The following PHGDH variants were observed in gnomAD, a reference collection of about 807,000 sequenced individuals.
The protein encoded by PHGDH is phosphoglycerate dehydrogenase, also known as D-3-phosphoglycerate dehydrogenase.
In PHGDH, 50 loss-of-function variants were observed where a neutral mutation model predicts 52.6. The ratio of observed to expected loss-of-function variants is 0.95; its 90% CI spans 0.76 to 1.20. The LOEUF is 1.20. Ranked by LOEUF, PHGDH falls within the 50% of genes most tolerant of loss-of-function variation. The pLI, the probability that PHGDH is intolerant of heterozygous loss-of-function variation, is 0.00. For missense variants in PHGDH, 630 were observed against 684.6 expected, an observed-to-expected ratio of 0.92 and a Z score of 0.89; for synonymous variants, 271 against 280.5, an observed-to-expected ratio of 0.97 and a Z score of 0.34.
chr1:119,741,717 T>C, intron 9 of PHGDH, 50 bp from the exon 10 acceptor site: 1 of 1,583,274 alleles, frequency 6.3e-7, no homozygotes, highest in Non-Finnish European at 8.7e-7. Context: ...TGCCCCCTCC[T>C]GTAGTGCTCA....
chr1:119,712,289 G>T (rs770139785), intron 1 of PHGDH, 129 bp downstream of exon 1: 27 of 803,110 alleles, frequency 3.4e-5, no homozygotes, highest in Non-Finnish European at 4.7e-5. Flanking sequence ...CCTGAGATTG[G>T]GGGGTAGAGA....
chr1:119,735,559 C>A, intron 7 of PHGDH, 116 bp downstream of exon 7: 2 of 1,114,744 alleles, frequency 1.8e-6, no homozygotes, highest in Non-Finnish European at 2.6e-6. Flanking sequence ...TCTCTTTCAT[C>A]CATGGTAAAA....
chr1:119,744,010 T>G lies in PHGDH; in HGVS notation c.1572T>G (p.His524Gln). 6.2e-7 allele frequency: 1 copy of G among 1,614,172 alleles called. No individual in the cohort carries two copies. The highest frequency in any genetic ancestry group is 1.1e-5 in the South Asian group (1 of 91,076). ...CCAGCCTGGAAGCGTGGAAGCAGCA[T>G]GTGACTGAAGCCTTCCAGTTCCACT... ...LLPSLEAWKQ[H>Q]VTEAFQFHF Residue 524 changes from histidine (H) to glutamine (Q), a missense_variant, in exon 12 of 12, where the codon CAT becomes CAG. Physicochemically the swap from His to Gln is conservative, Grantham distance 24. Transcript: ENST00000641023.
chr1:119,732,399 C>A (rs137883715), intron 5 of PHGDH, among the ~76,000 whole-genome samples: 1 of 152,174 alleles, frequency 6.6e-6, no homozygotes, highest in Non-Finnish European at 1.5e-5. Flanking sequence ...GGCTTCTCTC[C>A]GGGAGTAGTC....
chr1:119,734,451 G>A, intron 5 of PHGDH, 183 bp from the exon 6 acceptor site: 1 of 673,102 alleles, frequency 1.5e-6, no homozygotes, highest in Non-Finnish European at 2.7e-6. Flanking sequence ...CTTAGTATAT[G>A]GTAAATAGTA....
chr1:119,714,401 G>A (rs1650829180), intron 1 of PHGDH: 3 of 152,132 alleles, frequency 2.0e-5, no homozygotes, highest in Non-Finnish European at 2.9e-5. Context: ...CTTGGAGCAA[G>A]TCATAGTTCA....
At chr1:119,733,553 C>G (rs769006309) in intron 5 of PHGDH, among the ~76,000 whole-genome samples, 2 of 151,690 alleles carry the variant, frequency 1.3e-5, no homozygotes, top group East Asian at 1.9e-4. Flanking sequence ...TCCAGCTAGT[C>G]TCTGACTCCT....
In PHGDH at chr1:119,741,898, G is replaced by A; in HGVS notation, c.1209+1G>A. 1 of 1,613,298 alleles carries A rather than the reference G, an allele frequency of 6.2e-7. No homozygotes were observed. On this transcript the variant is annotated splice_donor_variant, in intron 10 of 11. Transcript: ENST00000641023. LOFTEE classifies it high-confidence loss of function. ...GCTGGTGAAAGAGGCTGGCCTCAAT[G>A]TGCGCCCCTCTCCCCCACGCTGCCT...
At chr1:119,712,574 G>A (rs913066603) in intron 1 of PHGDH, 1 of 256,946 alleles carries the variant, frequency 3.9e-6, no homozygotes, top group Non-Finnish European at 7.7e-6. Flanking sequence ...TCGGGAGAGG[G>A]GCCCCAAAGT....
At chr1:119,734,817 A>C in intron 6 of PHGDH, 51 bp downstream of exon 6, 1 of 1,599,632 alleles carries the variant, frequency 6.3e-7, no homozygotes, top group Non-Finnish European at 8.6e-7. Context: ...CAGACCAGTT[A>C]ACAAATGGGC....
chr1:119,717,638 G>A (rs911274546), intron 1 of PHGDH, among the ~76,000 whole-genome samples: 35 of 151,798 alleles, frequency 2.3e-4, no homozygotes, highest in African/African-American at 6.5e-4. Context: ...CTTCCTTTCC[G>A]CATCAATTTG....
At chr1:119,733,110 A>G (rs1651772831) in intron 5 of PHGDH, among the ~76,000 whole-genome samples, 1 of 152,156 alleles carries the variant, frequency 6.6e-6, no homozygotes, top group South Asian at 2.1e-4. Context: ...TGTCTGAAAA[A>G]GACCACCAGC....
chr1:119,739,192 G>C (rs934919957), intron 8 of PHGDH, among the ~76,000 whole-genome samples: 1 of 152,116 alleles, frequency 6.6e-6, no homozygotes, highest in African/African-American at 2.4e-5. Flanking sequence ...CCTTTTACTT[G>C]GGAGCCCTGT....
At chr1:119,740,981 T>C (rs1306831477) in intron 9 of PHGDH, among the ~76,000 whole-genome samples, 2 of 152,104 alleles carry the variant, frequency 1.3e-5, no homozygotes, top group South Asian at 2.1e-4. Context: ...TGAGGACACT[T>C]TGTGCTCTGT....
At position 119,735,305 on chromosome 1, in the gene PHGDH, T is replaced by A. The variant is rs587691658; in HGVS notation, c.654T>A (p.Asn218Lys). 2 of 1,614,220 alleles carry A rather than the reference T, an allele frequency of 1.2e-6. No individual in the cohort carries two copies. The highest frequency in any genetic ancestry group is 1.3e-5 in the African/African-American group (1 of 75,072). The change falls in exon 7 of 12, where the codon AAT (asparagine) becomes AAA (lysine). Residue 218 changes from asparagine to lysine, a missense_variant. Transcript: ENST00000641023. ...TTCGCTTTCTTCCAGGCTTGCTGAA[T>A]GACAACACCTTTGCCCAGTGCAAGA... ...PLLPSTTGLL[N>K]DNTFAQCKKG...
intron 7 of PHGDH, among the ~76,000 whole-genome samples, chr1:119,735,716 A>G (rs184943232): frequency 1.3e-5 from 2 of 152,190 alleles, no homozygotes; most frequent in African/African-American, 4.8e-5. Flanking sequence ...GACTGCTAAC[A>G]TATTGACAAA....
chr1:119,737,334 G>C, intron 8 of PHGDH, 68 bp downstream of exon 8: 18 of 1,373,724 alleles, frequency 1.3e-5, no homozygotes, highest in Non-Finnish European at 1.8e-5. Flanking sequence ...GCATCTTGTA[G>C]GGGCTGGTGG....
chr1:119,730,816 T>A (rs1651658345), intron 5 of PHGDH, among the ~76,000 whole-genome samples: 1 of 152,166 alleles, frequency 6.6e-6, no homozygotes, highest in African/African-American at 2.4e-5. Flanking sequence ...ATGGGCCACC[T>A]CAGTTTGGAG....
Position 119,711,945 on chromosome 1 carries a change from A to C in PHGDH, c.-78A>C. 4 of 1,471,904 alleles carry C rather than the reference A, an allele frequency of 2.7e-6. No homozygotes were observed. Among genetic ancestry groups the C allele is most frequent in the Non-Finnish European group, 3.8e-6 (4 of 1,052,816 alleles). The allele number at this position is 1,471,904 out of a possible 1,614,324, so 91.2% of individuals were successfully genotyped here. ...CTGGAGAATACTGCCCAGTTACTCT[A>C]GCGCGCCAGGCCGAACCGCAGCTTC... On this transcript the variant is annotated 5_prime_UTR_variant, in exon 1 of 12. Coordinates refer to ENST00000641023, the MANE Select transcript of PHGDH (RefSeq NM_006623.4).
Sources: gnomAD v4.1 joint callset for allele counts (sites outside exome capture counted in the v4.1 genomes callset) on GRCh38, gnomAD v4.1.1 for gene constraint, MANE v1.5 for transcripts, NCBI Gene and HGNC (gene_info 2026-07-23, HGNC 2026-07-21) for gene names.